PTPRK: variants seen among roughly 807,000 people sequenced by gnomAD.
PTPRK encodes the protein protein tyrosine phosphatase receptor type K, also known as receptor-type tyrosine-protein phosphatase kappa.
A neutral mutation model predicts 178.0 loss-of-function variants in PTPRK; 75 were observed. The ratio of observed to expected loss-of-function variants is 0.42; its 90% CI spans 0.35 to 0.51. The LOEUF (loss-of-function observed/expected upper bound fraction) is 0.51, where lower values mean the gene tolerates loss of function less well. PTPRK is among the 20% of genes least tolerant of loss of function. The probability of loss-of-function intolerance (pLI) is 0.02; values close to 1 mark genes in which losing one functional copy is unlikely to be tolerated. For missense variants in PTPRK, 1,441 were observed against 1,797.8 expected (o/e 0.80, Z 3.59); for synonymous variants, 637 against 620.6 (o/e 1.03, Z -0.39).
intron 2 of PTPRK, among the ~76,000 whole-genome samples, chr6:128,346,914 A>G (rs1832506573): frequency 6.6e-6 from 1 of 152,172 alleles, no homozygotes; most frequent in Non-Finnish European, 1.5e-5. Flanking sequence ...GAATGAAAAC[A>G]TTAATTTACA....
chr6:128,002,188 G>C (rs1360059106), intron 15 of PTPRK, among the ~76,000 whole-genome samples: 1 of 151,336 alleles, frequency 6.6e-6, no homozygotes, highest in Admixed American at 6.6e-5. Context: ...ACATAACTGA[G>C]TTAGTTGTGT....
intron 1 of PTPRK, among the ~76,000 whole-genome samples, chr6:128,404,052 G>A (rs1451622299): frequency 6.6e-6 from 1 of 152,122 alleles, no homozygotes; most frequent in Non-Finnish European, 1.5e-5. Context: ...ACCAGCCCTT[G>A]GTTTAGATCA....
intron 1 of PTPRK, among the ~76,000 whole-genome samples, chr6:128,463,388 A>G (rs1849328682): frequency 6.6e-6 from 1 of 152,108 alleles, no homozygotes; most frequent in South Asian, 2.1e-4. Context: ...AGGGTTAATA[A>G]CCAGTTTAGA....
In PTPRK at chr6:128,398,545, C is replaced by T. The variant is rs191037531; in HGVS notation, c.101-857G>A. On this transcript the variant is annotated intron_variant, in intron 1 of 29. Coordinates refer to ENST00000368226, the MANE Select transcript of PTPRK (RefSeq NM_002844.4). ...GAAGAATAAGAGTGAAAGTTGTCTT[C>T]CTCTACAATGCAAGTTCAAGAAGGT... Among the ~76,000 whole-genome samples, 357 of 152,232 alleles carry T rather than the reference C, an allele frequency of 2.3e-3. 1 individual carries two copies. The highest frequency in any genetic ancestry group is 5.8e-3 in the South Asian group (28 of 4,822).
At position 128,385,534 on chromosome 6, in the gene PTPRK, A is replaced by G. The variant is rs572795983; in HGVS notation, c.223+12032T>C. Among the ~76,000 whole-genome samples, 7 of 152,336 alleles carry G rather than the reference A, an allele frequency of 4.6e-5. No individual in the cohort carries two copies. In the East Asian group the frequency reaches 1.2e-3, roughly 25 times the overall value. ...GCAAGCTGTTAATACAGTCATGTCC[A>G]TATATTCTTACTTTCAGAGGAGCTG... On this transcript the variant is annotated intron_variant, in intron 2 of 29. Transcript: ENST00000368226.
At chr6:128,117,595 A>G (rs1791752688) in intron 7 of PTPRK, among the ~76,000 whole-genome samples, 1 of 152,148 alleles carries the variant, frequency 6.6e-6, no homozygotes, top group Non-Finnish European at 1.5e-5. Flanking sequence ...ATTTTTATCA[A>G]TTAAGATTTG....
intron 7 of PTPRK, among the ~76,000 whole-genome samples, chr6:128,107,305 G>A (rs1270954654): frequency 6.6e-6 from 1 of 152,056 alleles, no homozygotes; most frequent in Non-Finnish European, 1.5e-5. Flanking sequence ...CAGTATGACA[G>A]TTTCACCTTT....
intron 7 of PTPRK, among the ~76,000 whole-genome samples, chr6:128,110,203 T>C (rs1790416519): frequency 6.6e-6 from 1 of 152,116 alleles, no homozygotes; most frequent in Non-Finnish European, 1.5e-5. Flanking sequence ...GGATTACAGG[T>C]GTGAGCCACC....
chr6:128,512,679 G>C (rs1247201397), intron 1 of PTPRK, among the ~76,000 whole-genome samples: 1 of 152,170 alleles, frequency 6.6e-6, no homozygotes, highest in Admixed American at 6.5e-5. Context: ...ATTGTGTTTT[G>C]ACATGAATAG....
intron 3 of PTPRK, among the ~76,000 whole-genome samples, chr6:128,298,941 C>T (rs910644808): frequency 6.6e-6 from 1 of 152,200 alleles, no homozygotes; most frequent in African/African-American, 2.4e-5. Flanking sequence ...TCCCTGTTTG[C>T]AGACGACATG....
intron 14 of PTPRK, 71 bp downstream of exon 14, chr6:128,009,059 G>T: frequency 7.2e-7 from 1 of 1,395,864 alleles, no homozygotes; most frequent in South Asian, 1.6e-5. Context: ...AAAGGATCTT[G>T]AGAAAAACAG....
intron 11 of PTPRK, among the ~76,000 whole-genome samples, chr6:128,074,888 T>A (rs1277124415): frequency 1.8e-4 from 28 of 152,002 alleles, no homozygotes; most frequent in Admixed American, 1.8e-3. Flanking sequence ...TTGGTGAAAA[T>A]ATTGGTAAGG....
At chr6:127,987,510 T>C (rs1562387446) in intron 21 of PTPRK, among the ~76,000 whole-genome samples, 1 of 152,132 alleles carries the variant, frequency 6.6e-6, no homozygotes, top group African/African-American at 2.4e-5. Flanking sequence ...AGTAATATTT[T>C]CTTACTTCTG....
At chr6:128,167,511 C>T (rs1312556941) in intron 7 of PTPRK, among the ~76,000 whole-genome samples, 1 of 151,688 alleles carries the variant, frequency 6.6e-6, no homozygotes, top group Non-Finnish European at 1.5e-5. Context: ...CATATTACTT[C>T]CCTCCATTAA....
At chr6:128,261,541 G>C (rs1322189841) in intron 3 of PTPRK, among the ~76,000 whole-genome samples, 1 of 152,078 alleles carries the variant, frequency 6.6e-6, no homozygotes, top group Non-Finnish European at 1.5e-5. Flanking sequence ...GTTATTACAG[G>C]GGAAGTACTG....
chr6:128,398,066 A>C (rs1840557452), intron 1 of PTPRK, among the ~76,000 whole-genome samples: 1 of 152,216 alleles, frequency 6.6e-6, no homozygotes, highest in African/African-American at 2.4e-5. Context: ...ATCCACACCA[A>C]AGCGAGGAAA....
rs200759628 is a variant in PTPRK, at chr6:128,105,423, G to A, written c.1163-15431C>T. ...GCTGGGATTACAGGCGTGAGCCACC[G>A]CACCCGGCCTTACCTCACTTATTTC... is the stretch of plus-strand genomic sequence containing the variant. On this transcript the variant is annotated intron_variant, in intron 7 of 29. Transcript: ENST00000368226. Among the ~76,000 whole-genome samples, 57 of 152,260 alleles carry A rather than the reference G, an allele frequency of 3.7e-4. 1 individual carries two copies. The East Asian group carries it at 9.3e-3, about 25-fold the overall frequency.
At chr6:128,294,907 C>T (rs1384948276) in intron 3 of PTPRK, among the ~76,000 whole-genome samples, 1 of 149,630 alleles carries the variant, frequency 6.7e-6, no homozygotes, top group Non-Finnish European at 1.5e-5. Context: ...AGAGGGCTGA[C>T]CAACTCAAAA....
Position 128,435,990 on chromosome 6 carries a change from G to GA in PTPRK, c.101-38303dup, listed in dbSNP as rs530420079. Among the ~76,000 whole-genome samples, 335 of 131,386 alleles carry GA rather than the reference G, an allele frequency of 2.5e-3. 2 individuals are homozygous for GA. The highest frequency in any genetic ancestry group is 6.6e-3 in the South Asian group (29 of 4,364). 86.2% of individuals were successfully genotyped at this position (131,386 alleles called of 152,430 possible). A position where few individuals can be genotyped will look rare whatever the true frequency, so the allele number is the denominator to read the frequency against. ...GTCAACTGGCCAAAATGAGAAAGAG[G>GA]AAAAAAAAAATATATATATATATAT... On this transcript the variant is annotated intron_variant, in intron 1 of 29. Coordinates refer to ENST00000368226, the MANE Select transcript of PTPRK (RefSeq NM_002844.4).
Sources: gnomAD v4.1 joint callset for allele counts (sites outside exome capture counted in the v4.1 genomes callset) on GRCh38, gnomAD v4.1.1 for gene constraint, MANE v1.5 for transcripts, NCBI Gene and HGNC (gene_info 2026-07-23, HGNC 2026-07-21) for gene names.